The following TBCD variants were observed in gnomAD, a reference collection of about 807,000 sequenced individuals.
TBCD encodes tubulin folding cofactor D.
TBCD carries 105 observed loss-of-function variants against 169.3 expected under a neutral mutation model. The observed-to-expected ratio is 0.62, with a 90% confidence interval of 0.53 to 0.73. The LOEUF (loss-of-function observed/expected upper bound fraction) is 0.73. Among genes scored for constraint, TBCD ranks in the 30% least tolerant of loss-of-function variants. TBCD has a pLI of 0.00. For synonymous variants in TBCD, 700 were observed against 643.9 expected (o/e 1.09, Z -1.32); for missense variants, 1,444 against 1,600.1 (o/e 0.90, Z 1.66).
intron 22 of TBCD, among the ~76,000 whole-genome samples, chr17:82,910,188 A>G (rs140954866): frequency 6.6e-6 from 1 of 152,314 alleles, no homozygotes; most frequent in Non-Finnish European, 1.5e-5. Context: ...GGTGTGGGGC[A>G]CATGTGTGAC....
rs950733055 is a variant in TBCD at position 82,890,058 on chromosome 17, T to G, written c.1563+361T>G. Reference sequence around the variant, plus strand: ...AGAGCAGGAGCTGGCTCTGTTGACGTCAGCTTGTGCCTCATCCAGACCATA... The same window carrying G: ...AGAGCAGGAGCTGGCTCTGTTGACGGCAGCTTGTGCCTCATCCAGACCATA... On this transcript the variant is annotated intron_variant, in intron 16 of 38. Transcript: ENST00000355528. This position sits in a 1 kb window ranked among gnomAD's most constrained non-coding sequence, Gnocchi z 5.3. Among the ~76,000 whole-genome samples the G allele has an allele frequency of 6.6e-6, 1 of 152,290 alleles. No homozygotes were observed. The highest frequency in any genetic ancestry group is 2.1e-4 in the South Asian group (1 of 4,820).
intron 6 of TBCD, among the ~76,000 whole-genome samples, chr17:82,773,222 G>A (rs36087138): frequency 0.066 from 10,106 of 152,286 alleles, 457 homozygotes; most frequent in Non-Finnish European, 0.099. Context: ...GCCTCATGCA[G>A]CGTCACCTTC....
At chr17:82,917,795 C>CT (rs2061156020) in intron 23 of TBCD, among the ~76,000 whole-genome samples, 1 of 152,206 alleles carries the variant, frequency 6.6e-6, no homozygotes, top group Non-Finnish European at 1.5e-5. Flanking sequence ...CGTTCTCCTG[C>CT]TAGCTGGAGA....
intron 38 of TBCD, 173 bp downstream of exon 38, chr17:82,941,656 T>G: frequency 1.6e-6 from 1 of 627,114 alleles, no homozygotes; most frequent in Admixed American, 3.0e-5. Flanking sequence ...CTCTGGCCAC[T>G]GCCCACACCT....
intron 27 of TBCD, 112 bp downstream of exon 27, chr17:82,925,169 G>T (rs2061643949): frequency 2.3e-6 from 2 of 861,176 alleles, no homozygotes; most frequent in African/African-American, 3.4e-5. Context: ...GCTTGTAGCT[G>T]GGAGGGGGTT....
chr17:82,850,372 CCTGTTGTTGGCTGTG>C (rs1303302174), intron 13 of TBCD, among the ~76,000 whole-genome samples: 78 of 80,366 alleles, frequency 9.7e-4, no homozygotes, highest in African/African-American at 2.1e-3. Context: ...TGTTGGCTGT[CCTGTTGTTGGCTGTG>C]CTGTTGTTGG....
At chr17:82,865,165 C>CTT (rs140063745) in intron 13 of TBCD, among the ~76,000 whole-genome samples, 4 of 151,136 alleles carry the variant, frequency 2.6e-5, no homozygotes, top group African/African-American at 2.4e-5. Flanking sequence ...TCAACACTGG[C>CTT]GTTTTTTTTT....
intron 13 of TBCD, among the ~76,000 whole-genome samples, chr17:82,820,208 C>T (rs941212110): frequency 6.6e-6 from 1 of 152,168 alleles, no homozygotes; most frequent in Non-Finnish European, 1.5e-5. Flanking sequence ...GAACTCCTGA[C>T]CTCAAGTGAT....
intron 5 of TBCD, 87 bp downstream of exon 5, chr17:82,768,653 T>C: frequency 2.1e-6 from 3 of 1,440,198 alleles, no homozygotes; most frequent in Non-Finnish European, 2.8e-6. Context: ...CTCGGTAAGC[T>C]TCTGATATGT....
chr17:82,823,147 C>T (rs2052548699), intron 13 of TBCD, among the ~76,000 whole-genome samples: 1 of 152,244 alleles, frequency 6.6e-6, no homozygotes, highest in Non-Finnish European at 1.5e-5. Flanking sequence ...AGGGCATTCC[C>T]TCCCTGGTAG....
intron 7 of TBCD, among the ~76,000 whole-genome samples, chr17:82,792,356 TGC>T (rs1491251058): frequency 7.9e-6 from 1 of 126,144 alleles, no homozygotes; most frequent in African/African-American, 3.1e-5. Flanking sequence ...TATACATGTG[TGC>T]ACACACACAC....
chr17:82,757,857 T>C (rs990254191), intron 2 of TBCD, among the ~76,000 whole-genome samples: 3 of 151,766 alleles, frequency 2.0e-5, no homozygotes, highest in Middle Eastern at 3.4e-3. Flanking sequence ...TTATAGGAGG[T>C]CTTGGGTTCC....
Position 82,928,150 on chromosome 17 carries a change from C to T in TBCD, c.2693+162C>T, listed in dbSNP as rs188301508. Among the ~76,000 whole-genome samples the T allele has an allele frequency of 2.1e-3, 323 of 152,286 alleles. 1 individual carries two copies. Among genetic ancestry groups the T allele is most frequent in the Non-Finnish European group, 2.3e-3 (155 of 68,004 alleles). ...GTCCCTGACCCCAGGTTTGTGCAGG[C>T]CCCTCCTCCTGCCCCCATAGCCATG... On this transcript the variant is annotated intron_variant, in intron 30 of 38. Coordinates refer to ENST00000355528, the MANE Select transcript of TBCD (RefSeq NM_005993.5).
intron 9 of TBCD, 43 bp downstream of exon 9, chr17:82,801,039 G>A: frequency 6.4e-7 from 1 of 1,566,116 alleles, no homozygotes. Flanking sequence ...CCACGGGGTG[G>A]GGAGGGGTTG....
chr17:82,927,405 C>T (rs1383232348), intron 29 of TBCD, 82 bp downstream of exon 29: 2 of 1,501,540 alleles, frequency 1.3e-6, no homozygotes, highest in African/African-American at 2.8e-5. Context: ...GGCTTTTCTG[C>T]AGGGAGAAAT....
At chr17:82,881,121 C>T (rs543041116) in intron 14 of TBCD, among the ~76,000 whole-genome samples, 1 of 152,146 alleles carries the variant, frequency 6.6e-6, no homozygotes, top group Non-Finnish European at 1.5e-5. Flanking sequence ...CGTCTGTTTG[C>T]AAGGCTGGCT....
At position 82,942,942 on chromosome 17, in the gene TBCD, G is replaced by C. The variant is rs563317924; in HGVS notation, c.*479G>C. On this transcript the variant is annotated 3_prime_UTR_variant, in exon 39 of 39. Coordinates refer to ENST00000355528, the MANE Select transcript of TBCD (RefSeq NM_005993.5). ...AAATGCTAGAGAACTGAGAAGCCCT[G>C]GTGGCAGGCATGGTCTGGAGTGCTG... 43 of 197,946 alleles carry C rather than the reference G, an allele frequency of 2.2e-4. No homozygotes were observed. The highest frequency in any genetic ancestry group is 7.8e-4 in the African/African-American group (33 of 42,302). 12.3% of individuals were successfully genotyped at this position (197,946 alleles called of 1,614,324 possible).
chr17:82,890,802 T>A lies in TBCD; in HGVS notation c.1563+1105T>A, dbSNP rs1250080596. ...GTTCACTAGGAAGAGACACCAGCCT[T>A]GCAAGGGGAGCCTGGGTGTGCAGAC... On this transcript the variant is annotated intron_variant, in intron 16 of 38. Coordinates refer to ENST00000355528, the MANE Select transcript of TBCD (RefSeq NM_005993.5). The surrounding 1 kb of genome is among the most constrained non-coding windows in gnomAD (Gnocchi z 5.3). 6.6e-6 allele frequency among the ~76,000 whole-genome samples: 1 copy of A among 152,152 alleles called. No individual in the cohort carries two copies. Among genetic ancestry groups the A allele is most frequent in the Non-Finnish European group, 1.5e-5 (1 of 68,018 alleles).
intron 4 of TBCD, 101 bp from the exon 5 acceptor site, chr17:82,768,319 G>A (rs1186760374): frequency 1.4e-6 from 2 of 1,400,136 alleles, no homozygotes; most frequent in Non-Finnish European, 2.0e-6. Context: ...GGCTTTCATA[G>A]GCATTGGGTG....
Sources: allele counts gnomAD v4.1 joint callset (sites outside exome capture counted in the v4.1 genomes callset), GRCh38; gene constraint gnomAD v4.1.1; non-coding constraint Gnocchi (gnomAD v3.1); transcripts MANE v1.5; gene names NCBI Gene and HGNC (gene_info 2026-07-23, HGNC 2026-07-21).